The following AFTPH variants were observed in gnomAD, a reference collection of about 807,000 sequenced individuals.
AFTPH encodes aftiphilin protein.
AFTPH carries 7 observed loss-of-function variants against 72.5 expected under a neutral mutation model. That is an observed-to-expected ratio of 0.10 (90% CI 0.05 to 0.18). AFTPH has a LOEUF of 0.18. AFTPH is among the 10% of genes least tolerant of loss of function. The probability of loss-of-function intolerance (pLI) is 1.00; values close to 1 mark genes in which losing one functional copy is unlikely to be tolerated. For missense variants in AFTPH, 979 were observed against 1,060.5 expected (o/e 0.92, Z 1.07); for synonymous variants, 337 against 370.1 (o/e 0.91, Z 1.03).
chr2:64,588,042 ACTAT>A (rs1330638955), intron 8 of AFTPH, among the ~76,000 whole-genome samples: 1 of 152,128 alleles, frequency 6.6e-6, no homozygotes, highest in Non-Finnish European at 1.5e-5. Flanking sequence ...AACCATCATC[ACTAT>A]CTAATTCCAA....
At chr2:64,550,112 T>G (rs1049374173) in intron 1 of AFTPH, among the ~76,000 whole-genome samples, 4 of 152,256 alleles carry the variant, frequency 2.6e-5, no homozygotes, top group Non-Finnish European at 5.9e-5. Context: ...CATAGTAATC[T>G]GTACATGAAT....
exon 6 of AFTPH, chr2:64,573,053 A>C: frequency 1.9e-6 from 3 of 1,614,014 alleles, no homozygotes; most frequent in African/African-American, 1.3e-5. Flanking sequence ...ACACATGTAC[A>C]TCTGATCAGT....
intron 2 of AFTPH, among the ~76,000 whole-genome samples, chr2:64,554,303 G>T (rs980228073): frequency 5.9e-5 from 9 of 152,160 alleles, no homozygotes; most frequent in African/African-American, 2.2e-4. Flanking sequence ...CCAGTCCAGA[G>T]TTCTACTCTG....
At chr2:64,536,973 A>AG (rs1558593095) in intron 1 of AFTPH, among the ~76,000 whole-genome samples, 20 of 133,318 alleles carry the variant, frequency 1.5e-4, no homozygotes, top group African/African-American at 5.0e-4. Flanking sequence ...AAAAAAAAAA[A>AG]AAGAAGAAGA....
chr2:64,545,722 CAA>C (rs1419823597), intron 1 of AFTPH, among the ~76,000 whole-genome samples: 1 of 136,126 alleles, frequency 7.3e-6, no homozygotes, highest in Non-Finnish European at 1.5e-5. Context: ...TTTCAAAGGA[CAA>C]AATTGTGGCG....
intron 1 of AFTPH, 53 bp from the exon 2 acceptor site, chr2:64,551,390 T>G (rs1266540878): frequency 8.7e-6 from 12 of 1,374,868 alleles, no homozygotes; most frequent in Middle Eastern, 1.9e-4. Context: ...TTTTGAAAGA[T>G]CTTGTTCTAT....
At chr2:64,527,346 C>G (rs958713820) in intron 1 of AFTPH, among the ~76,000 whole-genome samples, 1 of 152,022 alleles carries the variant, frequency 6.6e-6, no homozygotes, top group Non-Finnish European at 1.5e-5. Context: ...TTTGGGAGAC[C>G]GGGGTGGGCA....
chr2:64,529,625 AC>A lies in AFTPH; in HGVS notation c.-33+5014del, dbSNP rs558801086. ...ATAGAAAATAGACAAGCAAAAAAAA[AC>A]AAATCACTTTTTTTTTTTTTTGAGA... On this transcript the variant is annotated intron_variant, in intron 1 of 8. Coordinates refer to ENST00000238856, the Ensembl canonical transcript of AFTPH. 2.6e-4 allele frequency among the ~76,000 whole-genome samples: 37 copies of A among 142,318 alleles called. No individual in the cohort carries two copies. In the South Asian group the frequency reaches 5.6e-3, roughly 21 times the overall value. 93.4% of individuals were successfully genotyped at this position (142,318 alleles called of 152,430 possible). A position where few individuals can be genotyped will look rare whatever the true frequency, so the allele number is the denominator to read the frequency against.
At chr2:64,580,623 G>A in intron 7 of AFTPH, 1 of 152,650 alleles carries the variant, frequency 6.6e-6, no homozygotes. Context: ...CTGTTTCAGA[G>A]TTAAAGGGGA....
intron 6 of AFTPH, chr2:64,578,987 A>G (rs923819553): frequency 2.0e-5 from 3 of 152,668 alleles, no homozygotes; most frequent in African/African-American, 7.2e-5. Context: ...AAATTCTGGT[A>G]TCTAATAAGT....
At chr2:64,566,688 T>C (rs1417966420) in intron 2 of AFTPH, among the ~76,000 whole-genome samples, 2 of 152,110 alleles carry the variant, frequency 1.3e-5, no homozygotes, top group African/African-American at 2.4e-5. Context: ...ATGAATGTTA[T>C]TGTAGGTTGC....
At chr2:64,565,659 C>G (rs1204252783) in intron 2 of AFTPH, among the ~76,000 whole-genome samples, 1 of 152,162 alleles carries the variant, frequency 6.6e-6, no homozygotes, top group Non-Finnish European at 1.5e-5. Context: ...ATAAGTTTCA[C>G]TGGAACATAC....
At chr2:64,579,404 G>A in intron 6 of AFTPH, 82 bp from the exon 7 acceptor site, 2 of 1,084,232 alleles carry the variant, frequency 1.8e-6, no homozygotes, top group South Asian at 1.5e-5. Flanking sequence ...TAATGGTCTT[G>A]CTATAATTTT....
chr2:64,541,892 T>C (rs1274248515), intron 1 of AFTPH, among the ~76,000 whole-genome samples: 3 of 152,250 alleles, frequency 2.0e-5, no homozygotes, highest in African/African-American at 2.4e-5. Flanking sequence ...CCATTAAATA[T>C]ACTTTGCTAA....
chr2:64,567,219 A>G (rs147669410), intron 2 of AFTPH, among the ~76,000 whole-genome samples: 8 of 152,336 alleles, frequency 5.3e-5, no homozygotes, highest in African/African-American at 1.9e-4. Context: ...TGCTTTGGGC[A>G]GATTATTCAG....
At chr2:64,563,823 G>T (rs1671884837) in intron 2 of AFTPH, among the ~76,000 whole-genome samples, 1 of 152,100 alleles carries the variant, frequency 6.6e-6, no homozygotes, top group African/African-American at 2.4e-5. Flanking sequence ...GGTCAGGCTG[G>T]TCTCGAACTC....
At chr2:64,568,702 T>C (rs1672240243) in intron 3 of AFTPH, among the ~76,000 whole-genome samples, 1 of 152,204 alleles carries the variant, frequency 6.6e-6, no homozygotes, top group South Asian at 2.1e-4. Flanking sequence ...CTCTGCCTCC[T>C]GGGTTCAAGC....
intron 1 of AFTPH, among the ~76,000 whole-genome samples, chr2:64,549,188 G>A (rs1324939981): frequency 1.3e-5 from 2 of 151,962 alleles, no homozygotes; most frequent in African/African-American, 2.4e-5. Context: ...TGCAAAACTG[G>A]TTGAATTTTG....
exon 2 of AFTPH, chr2:64,552,768 T>C (rs1359181347): frequency 3.1e-6 from 5 of 1,613,962 alleles, no homozygotes; most frequent in Non-Finnish European, 4.2e-6. Context: ...TGAAGATGAT[T>C]TTGGTGATTT....
Sources: allele counts gnomAD v4.1 joint callset (sites outside exome capture counted in the v4.1 genomes callset), GRCh38; gene constraint gnomAD v4.1.1; transcripts MANE v1.5; gene names NCBI Gene and HGNC (gene_info 2026-07-23, HGNC 2026-07-21).